SBK2: variants seen among roughly 807,000 people sequenced by gnomAD.
SBK2 encodes the protein SH3 domain binding kinase family member 2.
A neutral mutation model predicts 15.9 loss-of-function variants in SBK2; 18 were observed. The observed-to-expected ratio is 1.13, with a 90% CI of 0.78 to 1.68. The LOEUF is 1.68. SBK2 is among the 40% of genes most tolerant of loss of function. SBK2 has a pLI of 0.00. For synonymous variants in SBK2, 284 were observed against 246.8 expected (o/e 1.15, Z -1.41); for missense variants, 581 against 510.9 (o/e 1.14, Z -1.32).
chr19:55,533,652 T>A lies in SBK2; in HGVS notation c.254-2307A>T, dbSNP rs1174235419. On this transcript the variant is annotated intron_variant, in intron 2 of 3. Coordinates refer to ENST00000413299, the MANE Select transcript of SBK2 (RefSeq NM_001370096.2). ...TCCGGCCTGGGCGACAGAGCGAGAC[T>A]CCGTCTCAAAAAAAAAAAAAAAAAA... 8.8e-4 allele frequency among the ~76,000 whole-genome samples: 3 copies of A among 3,418 alleles called. 1 individual carries two copies. Among genetic ancestry groups the A allele is most frequent in the Non-Finnish European group, 1.7e-3 (3 of 1,796 alleles). The allele number at this position is 3,418 out of a possible 152,430, so 2.2% of individuals were successfully genotyped here.
rs539298308 is a variant in SBK2 at position 55,529,832 on chromosome 19, G to A, written c.948C>T (p.Ser316=). ...GLLDPHPRRR[S]AVIAIREHLG... is the part of the protein sequence containing the mutation. ...GGTGCTCCCTGATGGCGATCACAGC[G>A]CTCCTCCTTCGGGGGTGAGGGTCCA... The change falls in exon 4 of 4, where the codon AGC becomes AGT. Residue 316 remains serine (S), a synonymous_variant. Transcript: ENST00000413299. 7.6e-5 allele frequency: 122 copies of A among 1,604,054 alleles called. 1 individual carries two copies. The East Asian group carries it at 1.6e-3, about 21-fold the overall frequency.
Position 55,529,920 on chromosome 19 carries a change from C to G in SBK2, c.860G>C (p.Arg287Pro). Residue 287 changes from arginine to proline, a missense_variant, in exon 4 of 4, where the codon CGG (arginine) becomes CCG (proline). Transcript: ENST00000413299. ...FLIWQASGQP[R>P]DRPQPWFGLA... ...GCCGAACCAGGGCTGAGGGCGGTCC[C>G]GGGGCTGGCCCGACGCCTGCCAGAT... The G allele has an allele frequency of 1.3e-6, 2 of 1,533,392 alleles. No homozygotes were observed. Among genetic ancestry groups the G allele is most frequent in the Non-Finnish European group, 1.7e-6 (2 of 1,143,108 alleles). 95.0% of individuals were successfully genotyped at this position (1,533,392 alleles called of 1,614,324 possible). A position where few individuals can be genotyped will look rare whatever the true frequency, so the allele number is the denominator to read the frequency against.
In SBK2 at chr19:55,530,223, G is replaced by A. The variant is rs1307055693; in HGVS notation, c.557C>T (p.Pro186Leu). 6 of 1,534,612 alleles carry A rather than the reference G, an allele frequency of 3.9e-6. No homozygotes were observed. The highest frequency in any genetic ancestry group is 5.0e-5 in the East Asian group (2 of 39,880). Residue 186 changes from proline (P) to leucine (L), a missense_variant, in exon 4 of 4, where the codon CCG (proline) becomes CTG (leucine). Transcript: ENST00000413299. Reference sequence around the variant, plus strand: ...CGGGTCGCACACCAGGACGTTCTCCGGCTTCAGGTCCCGGTACACCAGGCC... The same window carrying A: ...CGGGTCGCACACCAGGACGTTCTCCAGCTTCAGGTCCCGGTACACCAGGCC... The part of the protein sequence containing the change: ...ARGLVYRDLK[P>L]ENVLVCDPAC...
At position 55,530,089 on chromosome 19, in the gene SBK2, G is replaced by A. The variant is rs1377157348; in HGVS notation, c.691C>T (p.Pro231Ser). Reference protein sequence around the residue: ...IPYTAPELCAPPPLPEGLPIQ... With the variant: ...IPYTAPELCASPPLPEGLPIQ... ...GGCAGGCCCTCGGGGAGCGGCGGGGGCGCGCAGAGCTCGGGGGCCGTGTAG... is the reference window on the plus strand; with the variant it reads ...GGCAGGCCCTCGGGGAGCGGCGGGGACGCGCAGAGCTCGGGGGCCGTGTAG... The change falls in exon 4 of 4, where the codon CCC (proline) becomes TCC (serine). Residue 231 changes from proline (P) to serine (S), a missense_variant. Coordinates refer to ENST00000413299, the MANE Select transcript of SBK2 (RefSeq NM_001370096.2). 3 of 1,443,030 alleles carry A rather than the reference G, an allele frequency of 2.1e-6. No individual in the cohort carries two copies. The highest frequency in any genetic ancestry group is 2.9e-5 in the South Asian group (2 of 69,830). The allele number at this position is 1,443,030 out of a possible 1,614,324, so 89.4% of individuals were successfully genotyped here.
rs757309439 is a variant in SBK2, at chr19:55,531,258, C to G, written c.341G>C (p.Gly114Ala). 6.2e-7 allele frequency: 1 copy of G among 1,613,586 alleles called. No homozygotes were observed. The highest frequency in any genetic ancestry group is 1.7e-5 in the Admixed American group (1 of 59,996). Residue 114 changes from glycine (G) to alanine (A), a missense_variant, in exon 3 of 4, where the codon GGC (glycine) becomes GCC (alanine). Gly to Ala is a moderately conservative substitution (Grantham distance 60). Transcript: ENST00000413299. ...GGCCGTCACGATGGCTGAGTGCGCG[C>G]CCAGCGAGAGCCCCACACAGAACTC... ...LYEFCVGLSL[G>A]AHSAIVTAYG...
chr19:55,529,021 G>A lies in SBK2; in HGVS notation c.*712C>T, dbSNP rs141871785. 5.3e-4 allele frequency among the ~76,000 whole-genome samples: 80 copies of A among 152,358 alleles called. No individual in the cohort carries two copies. The highest frequency in any genetic ancestry group is 1.8e-3 in the African/African-American group (75 of 41,576). ...AATCCCAGCACTGCGGGAGGCCGAG[G>A]TGGGAGACTCGCTCCAGGCCAGGAA... is the stretch of plus-strand genomic sequence containing the variant. On this transcript the variant is annotated 3_prime_UTR_variant, in exon 4 of 4. Coordinates refer to ENST00000413299, the MANE Select transcript of SBK2 (RefSeq NM_001370096.2).
rs372768610 is a variant in SBK2 at position 55,533,947 on chromosome 19, G to A, written c.253+2095C>T. Among the ~76,000 whole-genome samples, 8 of 152,214 alleles carry A rather than the reference G, an allele frequency of 5.3e-5. No individual in the cohort carries two copies. The East Asian group carries it at 1.2e-3, about 22-fold the overall frequency. On this transcript the variant is annotated intron_variant, in intron 2 of 3. Transcript: ENST00000413299. ...GTGTGCTGGAGGCCTCCAGATACAGGTTCAGTGAAATGGCCATGGAGGGGC... is the reference window on the plus strand; with the variant it reads ...GTGTGCTGGAGGCCTCCAGATACAGATTCAGTGAAATGGCCATGGAGGGGC...
chr19:55,529,673 C>A lies in SBK2; in HGVS notation c.*60G>T. The A allele has an allele frequency of 6.4e-7, 1 of 1,559,690 alleles. No individual in the cohort carries two copies. The highest frequency in any genetic ancestry group is 8.6e-7 in the Non-Finnish European group (1 of 1,161,230). ...AAACACACCGAGGAGACACCAAAAGCCGTTGGCCTTGGGGGCCTCGGGTGG... is the reference window on the plus strand; with the variant it reads ...AAACACACCGAGGAGACACCAAAAGACGTTGGCCTTGGGGGCCTCGGGTGG... On this transcript the variant is annotated 3_prime_UTR_variant, in exon 4 of 4. Transcript: ENST00000413299.
intron 2 of SBK2, among the ~76,000 whole-genome samples, chr19:55,533,404 T>G (rs1988319544): frequency 6.6e-6 from 1 of 151,284 alleles, no homozygotes; most frequent in Admixed American, 6.6e-5. Flanking sequence ...TCCCAGCACT[T>G]TGGGAGGCCC....
At position 55,532,322 on chromosome 19, in the gene SBK2, G is replaced by A. The variant is rs901397216; in HGVS notation, c.254-977C>T. Among the ~76,000 whole-genome samples the A allele has an allele frequency of 4.2e-3, 352 of 83,272 alleles. 2 individuals are homozygous for A. The highest frequency in any genetic ancestry group is 0.016 in the African/African-American group (338 of 20,532). The allele number at this position is 83,272 out of a possible 152,430, so 54.6% of individuals were successfully genotyped here. On this transcript the variant is annotated intron_variant, in intron 2 of 3. Coordinates refer to ENST00000413299, the MANE Select transcript of SBK2 (RefSeq NM_001370096.2). ...TTTTTTTTTTTTTTTTTTTTTTTGA[G>A]ATGCAGTTTCACGCTTGTTGTCCAG...
At chr19:55,534,258 A>C (rs768684291) in intron 2 of SBK2, among the ~76,000 whole-genome samples, 1 of 152,162 alleles carries the variant, frequency 6.6e-6, no homozygotes, top group Non-Finnish European at 1.5e-5. Context: ...CCTTATAAGA[A>C]GAGGAGATCA....
chr19:55,533,898 C>T (rs1852333823), intron 2 of SBK2, among the ~76,000 whole-genome samples: 1 of 151,972 alleles, frequency 6.6e-6, no homozygotes, highest in South Asian at 2.1e-4. Flanking sequence ...TTCAGGGCCC[C>T]AGCATCATGC....
At chr19:55,532,013 A>C (rs965367837) in intron 2 of SBK2, among the ~76,000 whole-genome samples, 1 of 152,158 alleles carries the variant, frequency 6.6e-6, no homozygotes, top group African/African-American at 2.4e-5. Flanking sequence ...GGCATCTGTA[A>C]AAAATTAAAT....
intron 2 of SBK2, among the ~76,000 whole-genome samples, chr19:55,532,889 T>C (rs1988306210): frequency 6.6e-6 from 1 of 151,756 alleles, no homozygotes; most frequent in Non-Finnish European, 1.5e-5. Context: ...ACTCCTAGGC[T>C]CTAAGCAATC....
At chr19:55,532,453 C>T (rs972946676) in intron 2 of SBK2, among the ~76,000 whole-genome samples, 1 of 151,518 alleles carries the variant, frequency 6.6e-6, no homozygotes, top group Non-Finnish European at 1.5e-5. Context: ...CGGGCACCTG[C>T]CACCATACCT....
At position 55,531,361 on chromosome 19, in the gene SBK2, C is replaced by T. The variant is rs1277758237; in HGVS notation, c.254-16G>A. On this transcript the variant is annotated splice_polypyrimidine_tract_variant and intron_variant, in intron 2 of 3. Coordinates refer to ENST00000413299, the MANE Select transcript of SBK2 (RefSeq NM_001370096.2). ...AGGGGTGTGCCTGGGGCAGCAGGGA[C>T]AGGTATGGGAGGCGTGCAGCAGCCA... The T allele has an allele frequency of 6.3e-7, 1 of 1,585,820 alleles. No homozygotes were observed. The highest frequency in any genetic ancestry group is 1.8e-5 in the Admixed American group (1 of 55,216).
At chr19:55,531,465 ATCTC>A in intron 2 of SBK2, 120 bp from the exon 3 acceptor site, 2 of 743,358 alleles carry the variant, frequency 2.7e-6, no homozygotes, top group Non-Finnish European at 4.5e-6. Flanking sequence ...CCCATAGACC[ATCTC>A]CACCTCCTCC....
At chr19:55,532,428 G>T (rs1161080542) in intron 2 of SBK2, among the ~76,000 whole-genome samples, 3 of 149,566 alleles carry the variant, frequency 2.0e-5, no homozygotes, top group Admixed American at 6.7e-5. Flanking sequence ...TCAGCCTCCC[G>T]AGTAGCTGGG....
At position 55,529,980 on chromosome 19, in the gene SBK2, AG is replaced by A. The variant is rs1278968863; in HGVS notation, c.799del (p.Leu267TrpfsTer52). 4 of 1,528,672 alleles carry A rather than the reference AG, an allele frequency of 2.6e-6. No homozygotes were observed. Among genetic ancestry groups the A allele is most frequent in the Non-Finnish European group, 1.8e-6 (2 of 1,139,902 alleles). The allele number at this position is 1,528,672 out of a possible 1,614,324, so 94.7% of individuals were successfully genotyped here. ...LTGYFPWDRPLAEADPFYEDF... is the reference protein window; with the variant it reads ...LTGYFPWDRPXAEADPFYEDF... ...CTCGTAGAAGGGGTCGGCCTCGGCC[AG>A]GGGCCGGTCCCAGGGGAAGTAGCCC... is the stretch of plus-strand genomic sequence containing the variant. On this transcript the variant is annotated frameshift_variant, in exon 4 of 4. Coordinates refer to ENST00000413299, the MANE Select transcript of SBK2 (RefSeq NM_001370096.2). LOFTEE classifies it low-confidence loss of function (END_TRUNC).
Sources: gnomAD v4.1 joint callset for allele counts (sites outside exome capture counted in the v4.1 genomes callset) on GRCh38, gnomAD v4.1.1 for gene constraint, MANE v1.5 for transcripts, NCBI Gene and HGNC (gene_info 2026-07-23, HGNC 2026-07-21) for gene names.